Variants in ACACA observed in about 807,000 individuals in gnomAD.
ACACA encodes acetyl-CoA carboxylase alpha, also known as acetyl-CoA carboxylase 1.
A neutral mutation model predicts 296.1 loss-of-function variants in ACACA; 103 were observed. The observed-to-expected ratio is 0.35, with a 90% CI of 0.30 to 0.41. The LOEUF is 0.41. ACACA is among the 10% of genes least tolerant of loss of function. The probability of loss-of-function intolerance (pLI) is 1.00; values close to 1 mark genes in which losing one functional copy is unlikely to be tolerated. For missense variants in ACACA, 1,554 were observed against 2,989.7 expected, an observed-to-expected ratio of 0.52 and a Z score of 11.20; for synonymous variants, 953 against 1,038.6, an observed-to-expected ratio of 0.92 and a Z score of 1.58.
intron 24 of ACACA, among the ~76,000 whole-genome samples, chr17:37,239,631 T>C (rs2080291542): frequency 6.6e-6 from 1 of 152,234 alleles, no homozygotes; most frequent in Non-Finnish European, 1.5e-5. Flanking sequence ...CTTGAGATAA[T>C]GAGCATGTTT....
At chr17:37,234,574 T>C (rs548305737) in intron 25 of ACACA, among the ~76,000 whole-genome samples, 1 of 152,004 alleles carries the variant, frequency 6.6e-6, no homozygotes, top group Non-Finnish European at 1.5e-5. Context: ...TTTCTATTTA[T>C]TTTTTTTCAA....
chr17:37,177,037 A>G (rs2077141915), intron 41 of ACACA, among the ~76,000 whole-genome samples: 1 of 152,158 alleles, frequency 6.6e-6, no homozygotes, highest in Admixed American at 6.5e-5. Flanking sequence ...AAAACTGTAG[A>G]ACAAGAAGAA....
At chr17:37,167,571 G>A (rs1198307647) in intron 41 of ACACA, among the ~76,000 whole-genome samples, 9 of 151,358 alleles carry the variant, frequency 5.9e-5, no homozygotes, top group African/African-American at 1.9e-4. Context: ...CACCTGCCTC[G>A]GCCTCCCAAA....
At chr17:37,087,944 A>G (rs1056809322) in intron 55 of ACACA, among the ~76,000 whole-genome samples, 2 of 152,234 alleles carry the variant, frequency 1.3e-5, no homozygotes, top group African/African-American at 4.8e-5. Context: ...GCATGGCCTT[A>G]AAATGTCTTC....
intron 41 of ACACA, among the ~76,000 whole-genome samples, chr17:37,177,041 A>G (rs966582901): frequency 6.6e-5 from 10 of 152,196 alleles, no homozygotes; most frequent in African/African-American, 2.4e-4. Context: ...CTGTAGAACA[A>G]GAAGAAAGTG....
At chr17:37,363,030 GC>G (rs1313552206) in intron 1 of ACACA, among the ~76,000 whole-genome samples, 1 of 143,392 alleles carries the variant, frequency 7.0e-6, no homozygotes, top group Non-Finnish European at 1.5e-5. Context: ...CAGATTCCCA[GC>G]CCTTTTTTTT....
chr17:37,352,210 T>G (rs62071185), intron 1 of ACACA, among the ~76,000 whole-genome samples: 76,193 of 151,734 alleles, frequency 0.5, 21,717 homozygotes, highest in East Asian at 0.75. Context: ...GAGCCACCGT[T>G]CCTGGCCAGG....
chr17:37,143,283 CTTT>C (rs79160054), intron 45 of ACACA, among the ~76,000 whole-genome samples: 1 of 137,430 alleles, frequency 7.3e-6, no homozygotes, highest in Non-Finnish European at 1.6e-5. Context: ...ACAGCTGCAA[CTTT>C]TTTTTTTTTT....
At chr17:37,336,309 G>T (rs2048116668) in intron 2 of ACACA, among the ~76,000 whole-genome samples, 1 of 152,068 alleles carries the variant, frequency 6.6e-6, no homozygotes, top group African/African-American at 2.4e-5. Context: ...GTGGTTGTTG[G>T]CCAACCTCCC....
At chr17:37,398,058 G>A (rs2051138586) in intron 1 of ACACA, among the ~76,000 whole-genome samples, 1 of 151,714 alleles carries the variant, frequency 6.6e-6, no homozygotes, top group African/African-American at 2.4e-5. Flanking sequence ...GTGAAACCCC[G>A]TCTTTACTAA....
At chr17:37,210,751 CAAAAAAAAAAAAA>C (rs57591064) in intron 29 of ACACA, among the ~76,000 whole-genome samples, 1 of 72,424 alleles carries the variant, frequency 1.4e-5, no homozygotes, top group Non-Finnish European at 2.9e-5. Flanking sequence ...GCTCTATTAC[CAAAAAAAAAAAAA>C]AAAAAAAAAA....
chr17:37,373,788 A>G (rs2049893819), intron 1 of ACACA, among the ~76,000 whole-genome samples: 1 of 152,146 alleles, frequency 6.6e-6, no homozygotes, highest in South Asian at 2.1e-4. Context: ...AGTTTCAAAT[A>G]GAGCAACAGG....
At chr17:37,251,976 T>C in intron 16 of ACACA, 29 bp downstream of exon 16, 1 of 1,590,570 alleles carries the variant, frequency 6.3e-7, no homozygotes, top group East Asian at 2.2e-5. Flanking sequence ...ATTGATTAGT[T>C]TGTGTAGCCT....
intron 35 of ACACA, among the ~76,000 whole-genome samples, chr17:37,196,457 T>C (rs142005144): frequency 6.6e-6 from 1 of 152,070 alleles, no homozygotes; most frequent in African/African-American, 2.4e-5. Flanking sequence ...TTAAATCTCA[T>C]GAAATTTTAC....
intron 39 of ACACA, among the ~76,000 whole-genome samples, chr17:37,186,460 C>T (rs1189975148): frequency 1.3e-5 from 2 of 152,118 alleles, no homozygotes; most frequent in Admixed American, 6.5e-5. Flanking sequence ...AACAAATGAA[C>T]GAATAACAGA....
chr17:37,288,572 A>G (rs2082898172), intron 3 of ACACA, among the ~76,000 whole-genome samples: 2 of 152,204 alleles, frequency 1.3e-5, no homozygotes. Context: ...GGGTAGATAT[A>G]TGTGTTAAAA....
chr17:37,352,242 C>T (rs2048940181), intron 1 of ACACA, among the ~76,000 whole-genome samples: 1 of 152,042 alleles, frequency 6.6e-6, no homozygotes, highest in Non-Finnish European at 1.5e-5. Context: ...ATCAGAATTG[C>T]AACGAATATT....
At chr17:37,283,975 T>C (rs2082660376) in intron 4 of ACACA, among the ~76,000 whole-genome samples, 1 of 152,256 alleles carries the variant, frequency 6.6e-6, no homozygotes. Flanking sequence ...TTCGTCTCCT[T>C]ACCTATCTTG....
chr17:37,284,724 G>A, intron 4 of ACACA, 114 bp downstream of exon 4: 1 of 1,422,664 alleles, frequency 7.0e-7, no homozygotes, highest in South Asian at 1.2e-5. Flanking sequence ...CACATAAAGA[G>A]GCAAAGCCTC....
Sources: gnomAD v4.1 joint callset for allele counts (sites outside exome capture counted in the v4.1 genomes callset) on GRCh38, gnomAD v4.1.1 for gene constraint, MANE v1.5 for transcripts, NCBI Gene and HGNC (gene_info 2026-07-23, HGNC 2026-07-21) for gene names.